SPMIP5: variants seen among roughly 807,000 people sequenced by gnomAD.
SPMIP5 encodes sperm microtubule inner protein 5, also known as sperm-associated microtubule inner protein 5.
chr10:116,666,669 ATC>A, the SPMIP5 span, among the ~76,000 whole-genome samples: 1 of 152,042 alleles, frequency 6.6e-6, no homozygotes, highest in Non-Finnish European at 1.5e-5. Flanking sequence ...TACTAAACTA[ATC>A]TTGACAGTGT....
chr10:116,664,125 A>G, the SPMIP5 span: 1 of 1,613,878 alleles, frequency 6.2e-7, no homozygotes, highest in Non-Finnish European at 8.5e-7. Context: ...CAAACATTTC[A>G]TCCCCTTTTT....
the SPMIP5 span, chr10:116,664,982 T>A: frequency 6.3e-7 from 1 of 1,581,270 alleles, no homozygotes. Flanking sequence ...AGAAAGCAAC[T>A]AAAAAATGTT....
chr10:116,664,051 T>A, the SPMIP5 span: 3 of 1,597,796 alleles, frequency 1.9e-6, no homozygotes, highest in Non-Finnish European at 2.6e-6. Context: ...GCAGCTTCCA[T>A]CTAGGAGAGG....
chr10:116,668,933 GCACACACACACACACA>G, the SPMIP5 span, among the ~76,000 whole-genome samples: 10 of 135,282 alleles, frequency 7.4e-5, no homozygotes, highest in East Asian at 4.5e-4. Context: ...GCACACACAT[GCACACACACACACACA>G]CACACACACA....
the SPMIP5 span, among the ~76,000 whole-genome samples, chr10:116,666,900 TTATG>T: frequency 6.6e-6 from 1 of 152,136 alleles, no homozygotes; most frequent in African/African-American, 2.4e-5. Context: ...TTAAAATAGG[TTATG>T]TATGCTGGCT....
the SPMIP5 span, chr10:116,665,180 T>C: frequency 1.0e-5 from 12 of 1,184,976 alleles, no homozygotes; most frequent in Non-Finnish European, 1.3e-5. Context: ...GCAGATCACC[T>C]GAGGTCAGGA....
At chr10:116,664,927 G>A in the SPMIP5 span, 1 of 1,613,076 alleles carries the variant, frequency 6.2e-7, no homozygotes, top group South Asian at 1.1e-5. Flanking sequence ...TCCTGGAGAG[G>A]TTTCTTTACA....
At chr10:116,663,927 G>A in the SPMIP5 span, 218 of 1,536,850 alleles carry the variant, frequency 1.4e-4, no homozygotes, top group African/African-American at 2.2e-3. Context: ...CATACTTTGC[G>A]GAGGACAGTG....
At chr10:116,664,704 G>T in the SPMIP5 span, 1 of 1,586,332 alleles carries the variant, frequency 6.3e-7, no homozygotes, top group Non-Finnish European at 8.6e-7. Context: ...CCCCATCCTG[G>T]GTTTGCACTT....
At chr10:116,666,666 C>CTAG in the SPMIP5 span, among the ~76,000 whole-genome samples, 1 of 152,122 alleles carries the variant, frequency 6.6e-6, no homozygotes, top group Non-Finnish European at 1.5e-5. Context: ...AATTACTAAA[C>CTAG]TAATCTTGAC....
chr10:116,668,213 C>G, the SPMIP5 span: 3 of 1,577,114 alleles, frequency 1.9e-6, no homozygotes, highest in African/African-American at 2.7e-5. Flanking sequence ...GACCAGGACC[C>G]GGGTTCCCCT....
At chr10:116,668,939 A>G in the SPMIP5 span, among the ~76,000 whole-genome samples, 1 of 75,516 alleles carries the variant, frequency 1.3e-5, no homozygotes, top group Admixed American at 1.6e-4. Flanking sequence ...ACATGCACAC[A>G]CACACACACA....
At chr10:116,663,181 CAAAAAAAAAAAA>C in the SPMIP5 span, among the ~76,000 whole-genome samples, 1 of 96,928 alleles carries the variant, frequency 1.0e-5, no homozygotes, top group Non-Finnish European at 2.0e-5. Context: ...GATTCTGTCT[CAAAAAAAAAAAA>C]AAAAAAAAGA....
At chr10:116,664,453 C>G in the SPMIP5 span, 1 of 756,174 alleles carries the variant, frequency 1.3e-6, no homozygotes. Flanking sequence ...AAGCTGAGGC[C>G]ACTCAGCACC....
chr10:116,663,942 T>C, the SPMIP5 span: 3,703 of 1,537,588 alleles, frequency 2.4e-3, 65 homozygotes, highest in African/African-American at 0.045. Flanking sequence ...ACAGTGGCTC[T>C]AGATACATCT....
chr10:116,668,376 T>A, the SPMIP5 span: 1 of 1,405,190 alleles, frequency 7.1e-7, no homozygotes, highest in Non-Finnish European at 1.0e-6. Flanking sequence ...GTCACTGCCT[T>A]AAGGAATTAC....
chr10:116,670,271 G>A, the SPMIP5 span: 1 of 149,384 alleles, frequency 6.7e-6, no homozygotes, highest in Non-Finnish European at 1.5e-5. Flanking sequence ...CGGCGCCTGG[G>A]TCTGCAGGTC....
the SPMIP5 span, chr10:116,664,809 AG>A: frequency 6.2e-7 from 1 of 1,614,122 alleles, no homozygotes; most frequent in Non-Finnish European, 8.5e-7. Context: ...CGTGATCTCC[AG>A]GAAGTCCTTG....
At chr10:116,662,226 TTTC>T in the SPMIP5 span, among the ~76,000 whole-genome samples, 1,636 of 152,340 alleles carry the variant, frequency 0.011, 32 homozygotes, top group African/African-American at 0.038. Flanking sequence ...AAAACAGCCA[TTTC>T]TTTATTCTTA....
Sources: allele counts gnomAD v4.1 joint callset (sites outside exome capture counted in the v4.1 genomes callset), GRCh38; gene constraint gnomAD v4.1.1; transcripts MANE v1.5; gene names NCBI Gene and HGNC (gene_info 2026-07-23, HGNC 2026-07-21).